EIPR1: variants seen among roughly 807,000 people sequenced by gnomAD.
EIPR1 encodes the protein EARP and GARP complex-interacting protein 1.
In EIPR1, 25 loss-of-function variants were observed where a neutral mutation model predicts 48.1. The ratio of observed to expected loss-of-function variants is 0.52; its 90% CI spans 0.38 to 0.73. The LOEUF (loss-of-function observed/expected upper bound fraction) is 0.73. Among genes scored for constraint, EIPR1 ranks in the 30% least tolerant of loss-of-function variants. EIPR1 has a pLI of 0.00. For missense variants in EIPR1, 415 were observed against 506.2 expected (o/e 0.82, Z 1.73); for synonymous variants, 204 against 201.9 (o/e 1.01, Z -0.09).
chr2:3,363,205 T>G (rs1210903539), intron 1 of EIPR1, among the ~76,000 whole-genome samples: 2 of 151,456 alleles, frequency 1.3e-5, no homozygotes, highest in African/African-American at 4.9e-5. Flanking sequence ...AGACCAGCGA[T>G]CAAAAGAAAC....
At chr2:3,211,414 C>T (rs1665451871) in intron 5 of EIPR1, among the ~76,000 whole-genome samples, 1 of 152,184 alleles carries the variant, frequency 6.6e-6, no homozygotes, top group African/African-American at 2.4e-5. Context: ...CAGCCCCTCC[C>T]CACGAGCTCT....
chr2:3,318,814 A>G (rs1305082446), intron 3 of EIPR1: 1 of 467,782 alleles, frequency 2.1e-6, no homozygotes, highest in Admixed American at 2.4e-5. Context: ...TGCACCCCAA[A>G]CTCAGGAGGG....
At chr2:3,255,520 G>A (rs996998248) in intron 4 of EIPR1, among the ~76,000 whole-genome samples, 15 of 152,198 alleles carry the variant, frequency 9.9e-5, no homozygotes, top group African/African-American at 3.1e-4. Context: ...TAGGTATGAT[G>A]CAATTTAACA....
At chr2:3,276,637 T>C (rs2694084) in intron 3 of EIPR1, among the ~76,000 whole-genome samples, 87,737 of 152,086 alleles carry the variant, frequency 0.58, 25,713 homozygotes, top group East Asian at 0.75. Context: ...ACTACCTCCA[T>C]GTCAACTGGT....
chr2:3,312,971 T>C lies in EIPR1; in HGVS notation c.259+25046A>G, dbSNP rs1270246556. 6.6e-6 allele frequency among the ~76,000 whole-genome samples: 1 copy of C among 152,228 alleles called. No homozygotes were observed. Among genetic ancestry groups the C allele is most frequent in the Non-Finnish European group, 1.5e-5 (1 of 68,034 alleles). Reference sequence around the variant, plus strand: ...CCTGAAATTCAAGTTTAACAGGATATCCTGTGTTTTATCTGACAACCCTAC... The same window carrying C: ...CCTGAAATTCAAGTTTAACAGGATACCCTGTGTTTTATCTGACAACCCTAC... On this transcript the variant is annotated intron_variant, in intron 3 of 8. Coordinates refer to ENST00000382125, the MANE Select transcript of EIPR1 (RefSeq NM_003310.5). The surrounding 1 kb of genome is among the most constrained non-coding windows in gnomAD (Gnocchi z 5.5).
rs1043952156 is a variant in EIPR1 at position 3,196,855 on chromosome 2, G to T, written c.653+26C>A. ...CTCGGTGAGGGAGGAAAGGAAGTGG[G>T]GCCTGCGCCGGGTGGGCTCACTGAC... On this transcript the variant is annotated intron_variant, in intron 6 of 8. Coordinates refer to ENST00000382125, the MANE Select transcript of EIPR1 (RefSeq NM_003310.5). The T allele has an allele frequency of 1.9e-6, 3 of 1,610,720 alleles. No individual in the cohort carries two copies. The African/African-American group carries it at 4.0e-5, about 22-fold the overall frequency.
chr2:3,246,761 G>A (rs1481983507), intron 4 of EIPR1, among the ~76,000 whole-genome samples: 1 of 145,318 alleles, frequency 6.9e-6, no homozygotes, highest in Admixed American at 6.8e-5. Flanking sequence ...GGAAGAGAGG[G>A]AGGAAGGGAG....
intron 4 of EIPR1, 45 bp from the exon 5 acceptor site, chr2:3,214,293 T>C: frequency 6.4e-7 from 1 of 1,565,788 alleles, no homozygotes; most frequent in Non-Finnish European, 8.8e-7. Flanking sequence ...ACATTTGAGA[T>C]ACCCAGGCTG....
chr2:3,352,826 GTC>G (rs1670619893), intron 2 of EIPR1, among the ~76,000 whole-genome samples: 1 of 152,146 alleles, frequency 6.6e-6, no homozygotes, highest in South Asian at 2.1e-4. Context: ...GTGAAACCCC[GTC>G]TCTACTAAAA....
At chr2:3,348,924 G>C (rs568377780) in intron 2 of EIPR1, among the ~76,000 whole-genome samples, 16 of 152,342 alleles carry the variant, frequency 1.1e-4, no homozygotes, top group African/African-American at 3.8e-4. Flanking sequence ...AGCCTTCCCG[G>C]CGTCTCTCCT....
intron 4 of EIPR1, among the ~76,000 whole-genome samples, chr2:3,237,358 TACA>T (rs1197808718): frequency 3.3e-5 from 5 of 151,664 alleles, no homozygotes; most frequent in Admixed American, 1.3e-4. Flanking sequence ...AATAGGTGAG[TACA>T]ACAAGATATT....
chr2:3,259,690 TTTTC>T (rs1289443358), intron 3 of EIPR1, among the ~76,000 whole-genome samples: 2 of 152,220 alleles, frequency 1.3e-5, no homozygotes, highest in East Asian at 1.9e-4. Flanking sequence ...AAAGAGGGGT[TTTTC>T]TTTCTATTTT....
At chr2:3,311,273 C>G (rs970961674) in intron 3 of EIPR1, among the ~76,000 whole-genome samples, 1 of 152,150 alleles carries the variant, frequency 6.6e-6, no homozygotes, top group African/African-American at 2.4e-5. Context: ...GTTACACACT[C>G]TCAAGATGAT....
chr2:3,237,128 G>C (rs916339291), intron 4 of EIPR1, among the ~76,000 whole-genome samples: 1 of 151,998 alleles, frequency 6.6e-6, no homozygotes, highest in Non-Finnish European at 1.5e-5. Flanking sequence ...TGGGAGATGG[G>C]GAGGGCGAGG....
intron 4 of EIPR1, among the ~76,000 whole-genome samples, chr2:3,230,354 T>G (rs1666204030): frequency 6.6e-6 from 1 of 152,110 alleles, no homozygotes; most frequent in African/African-American, 2.4e-5. Flanking sequence ...TGGGTGTGTG[T>G]GGGGAAATCT....
At chr2:3,334,361 G>A (rs147541157) in intron 3 of EIPR1, among the ~76,000 whole-genome samples, 44 of 152,346 alleles carry the variant, frequency 2.9e-4, no homozygotes, top group African/African-American at 1.0e-3. Flanking sequence ...ATGGCAATGT[G>A]GAAGCCTAGT....
chr2:3,317,007 A>G (rs1357571857), intron 3 of EIPR1, among the ~76,000 whole-genome samples: 2 of 152,186 alleles, frequency 1.3e-5, no homozygotes, highest in Non-Finnish European at 2.9e-5. Flanking sequence ...GGAGCACATG[A>G]AGCACTGACC....
intron 3 of EIPR1, among the ~76,000 whole-genome samples, chr2:3,259,120 C>T (rs2602743): frequency 0.55 from 84,158 of 151,948 alleles, 23,637 homozygotes; most frequent in East Asian, 0.75. Flanking sequence ...TTATCTTAAT[C>T]TTTCTAAATG....
intron 3 of EIPR1, among the ~76,000 whole-genome samples, chr2:3,259,571 C>A (rs1667264710): frequency 6.6e-6 from 1 of 152,222 alleles, no homozygotes; most frequent in Non-Finnish European, 1.5e-5. Context: ...AGTCCATCAA[C>A]TTCACAGAGT....
Sources: gnomAD v4.1 joint callset for allele counts (sites outside exome capture counted in the v4.1 genomes callset) on GRCh38, gnomAD v4.1.1 for gene constraint, Gnocchi (gnomAD v3.1) non-coding constraint, MANE v1.5 for transcripts, NCBI Gene and HGNC (gene_info 2026-07-23, HGNC 2026-07-21) for gene names.